MAPK10: variants seen among roughly 807,000 people sequenced by gnomAD.
MAPK10 encodes JNK3 alpha protein kinase.
Under a neutral mutation model 59.3 loss-of-function variants are expected in MAPK10, and 25 were observed. That is an observed-to-expected ratio of 0.42 (90% CI 0.31 to 0.59). The LOEUF is 0.59. Ranked by LOEUF, MAPK10 falls within the 20% of genes least tolerant of loss-of-function variation. The pLI, the probability that MAPK10 is intolerant of heterozygous loss-of-function variation, is 0.15. For synonymous variants in MAPK10, 190 were observed against 200.5 expected, an observed-to-expected ratio of 0.95 and a Z score of 0.44; for missense variants, 351 against 568.9, an observed-to-expected ratio of 0.62 and a Z score of 3.90.
At chr4:86,496,793 T>C (rs1026733579) in intron 1 of MAPK10, among the ~76,000 whole-genome samples, 13 of 152,158 alleles carry the variant, frequency 8.5e-5, no homozygotes, top group East Asian at 1.9e-4. Context: ...AAATATTTAA[T>C]TCCCCCCCCA....
At chr4:86,421,690 G>A (rs1277194291) in intron 1 of MAPK10, among the ~76,000 whole-genome samples, 2 of 152,174 alleles carry the variant, frequency 1.3e-5, no homozygotes, top group African/African-American at 4.8e-5. Context: ...CCTGGGCGCT[G>A]GAGCAGAATG....
chr4:86,259,549 G>A (rs1437610490), intron 2 of MAPK10, among the ~76,000 whole-genome samples: 2 of 152,064 alleles, frequency 1.3e-5, no homozygotes, highest in Non-Finnish European at 2.9e-5. Context: ...ATGCAGCCAG[G>A]AAGCATTCAA....
At chr4:86,276,026 G>A (rs1056798281) in intron 2 of MAPK10, among the ~76,000 whole-genome samples, 1 of 151,982 alleles carries the variant, frequency 6.6e-6, no homozygotes, top group Non-Finnish European at 1.5e-5. Context: ...AATAAGTATT[G>A]TAACATTGAA....
chr4:86,199,785 G>A (rs891687424), intron 2 of MAPK10, among the ~76,000 whole-genome samples: 4 of 151,966 alleles, frequency 2.6e-5, no homozygotes, highest in Non-Finnish European at 5.9e-5. Context: ...AGGAATTAGT[G>A]GTCCTTCAGT....
intron 1 of MAPK10, among the ~76,000 whole-genome samples, chr4:86,392,161 A>C (rs1206109289): frequency 6.6e-6 from 1 of 152,190 alleles, no homozygotes; most frequent in Non-Finnish European, 1.5e-5. Context: ...GCGTATGGCC[A>C]GGCGCAGTGG....
intron 2 of MAPK10, among the ~76,000 whole-genome samples, chr4:86,338,545 C>A (rs1272762542): frequency 2.0e-5 from 3 of 152,128 alleles, no homozygotes; most frequent in Non-Finnish European, 2.9e-5. Flanking sequence ...GGGGGTGAGT[C>A]CAGCTTCAGA....
chr4:86,108,355 C>T (rs1357814526), intron 4 of MAPK10, among the ~76,000 whole-genome samples: 1 of 152,090 alleles, frequency 6.6e-6, no homozygotes, highest in Non-Finnish European at 1.5e-5. Context: ...ATCCCTGAAA[C>T]TTTGAGTCCT....
chr4:86,139,219 C>T (rs1258281035), intron 4 of MAPK10, among the ~76,000 whole-genome samples: 27 of 146,380 alleles, frequency 1.8e-4, no homozygotes, highest in Admixed American at 1.4e-3. Flanking sequence ...GAGCCCGCAT[C>T]GCCAAGTCAA....
intron 1 of MAPK10, among the ~76,000 whole-genome samples, chr4:86,517,115 T>C (rs1756729501): frequency 6.6e-6 from 1 of 152,154 alleles, no homozygotes; most frequent in African/African-American, 2.4e-5. Context: ...AGAGTTTTAA[T>C]CATAAAGGGA....
rs576077203 is a variant in MAPK10, at chr4:86,388,069, T to C, written c.-121-33425A>G. ...ACAAATGGGAGATTATCAATGTAAATTTAAGAAGTTGATAACTGTACTGTA... is the reference window on the plus strand; with the variant it reads ...ACAAATGGGAGATTATCAATGTAAACTTAAGAAGTTGATAACTGTACTGTA... On this transcript the variant is annotated intron_variant, in intron 1 of 13. Transcript: ENST00000361569. Among the ~76,000 whole-genome samples the C allele has an allele frequency of 1.9e-4, 29 of 151,056 alleles. No homozygotes were observed. The East Asian group carries it at 5.2e-3, about 27-fold the overall frequency.
rs1212200284 is a variant in MAPK10 at position 86,015,580 on chromosome 4, A to T, written c.*1648T>A. On this transcript the variant is annotated 3_prime_UTR_variant, in exon 14 of 14. Coordinates refer to ENST00000641462, the MANE Select transcript of MAPK10 (RefSeq NM_138982.4). Reference sequence around the variant, plus strand: ...CTTGGTATTGCCTTGTACATAACCAAGATGTTTCACAGTGCCTCCTTAAGT... The same window carrying T: ...CTTGGTATTGCCTTGTACATAACCATGATGTTTCACAGTGCCTCCTTAAGT... 6.6e-6 allele frequency: 1 copy of T among 152,220 alleles called. No homozygotes were observed. Among genetic ancestry groups the T allele is most frequent in the African/African-American group, 2.4e-5 (1 of 41,454 alleles). The allele number at this position is 152,220 out of a possible 1,614,324, so 9.4% of individuals were successfully genotyped here.
intron 4 of MAPK10, among the ~76,000 whole-genome samples, chr4:86,133,506 T>C (rs1178437189): frequency 6.6e-6 from 1 of 152,216 alleles, no homozygotes; most frequent in African/African-American, 2.4e-5. Context: ...GTCTGCAACA[T>C]AAAAATTTTT....
rs1470681431 is a variant in MAPK10 at position 86,014,344 on chromosome 4, GT to G, written c.*2883del. 2 of 125,324 alleles carry G rather than the reference GT, an allele frequency of 1.6e-5. No individual in the cohort carries two copies. The highest frequency in any genetic ancestry group is 6.2e-5 in the African/African-American group (2 of 32,444). 7.8% of individuals were successfully genotyped at this position (125,324 alleles called of 1,614,324 possible). A position where few individuals can be genotyped will look rare whatever the true frequency, so the allele number is the denominator to read the frequency against. Reference sequence around the variant, plus strand: ...TGTGTGTGTGTGTGTGTGTGTGTGTGTTAAGACAGACAAGTGAATGCAGAAC... The same window carrying G: ...TGTGTGTGTGTGTGTGTGTGTGTGTGTAAGACAGACAAGTGAATGCAGAAC... On this transcript the variant is annotated 3_prime_UTR_variant, in exon 14 of 14. Transcript: ENST00000641462.
rs538595027 is a variant in MAPK10, at chr4:86,201,194, T to C, written c.-6-6787A>G. 9.1e-4 allele frequency among the ~76,000 whole-genome samples: 138 copies of C among 152,108 alleles called. 1 individual carries two copies. The highest frequency in any genetic ancestry group is 9.6e-4 in the East Asian group (5 of 5,182). The stretch of plus-strand genomic sequence containing the variant: ...ACAGGATCTCATTCTCTTTTATGCT[T>C]TAACAATATTCCATTGTGTATATGT... On this transcript the variant is annotated intron_variant, in intron 2 of 13. Transcript: ENST00000641462.
chr4:86,467,386 T>C (rs1378608656), intron 1 of MAPK10, among the ~76,000 whole-genome samples: 1 of 152,184 alleles, frequency 6.6e-6, no homozygotes, highest in East Asian at 1.9e-4. Context: ...GTGTCTACAG[T>C]GTATATTTCT....
At chr4:86,532,583 A>C (rs1051358588) in intron 1 of MAPK10, among the ~76,000 whole-genome samples, 1 of 152,064 alleles carries the variant, frequency 6.6e-6, no homozygotes, top group African/African-American at 2.4e-5. Flanking sequence ...TCCTATCCAA[A>C]TGCTACTCAT....
intron 4 of MAPK10, among the ~76,000 whole-genome samples, chr4:86,113,829 C>T (rs1052048521): frequency 6.6e-6 from 1 of 152,170 alleles, no homozygotes; most frequent in African/African-American, 2.4e-5. Flanking sequence ...TTCCATTCTC[C>T]TCATCTCTTT....
intron 9 of MAPK10, among the ~76,000 whole-genome samples, chr4:86,074,152 C>A (rs1579681929): frequency 1.7e-5 from 2 of 116,428 alleles, no homozygotes; most frequent in Admixed American, 1.6e-4. Context: ...TATGTAATGA[C>A]CTTCTTTGTC....
chr4:86,396,944 TAA>T (rs1464933432), intron 1 of MAPK10, among the ~76,000 whole-genome samples: 58 of 152,314 alleles, frequency 3.8e-4, no homozygotes, highest in African/African-American at 1.4e-3. Flanking sequence ...CAGTTTGAGT[TAA>T]GTGTACACAC....
Sources: gnomAD v4.1 joint callset for allele counts (sites outside exome capture counted in the v4.1 genomes callset) on GRCh38, gnomAD v4.1.1 for gene constraint, MANE v1.5 for transcripts, NCBI Gene and HGNC (gene_info 2026-07-23, HGNC 2026-07-21) for gene names.